HTR2C: variants seen among roughly 807,000 people sequenced by gnomAD.
HTR2C encodes the protein 5-hydroxytryptamine receptor 2C, also known as 5-hydroxytryptamine (serotonin) receptor 2C, G protein-coupled.
HTR2C carries 5 observed loss-of-function variants against 21.0 expected under a neutral mutation model. The observed-to-expected ratio is 0.24, with a 90% CI of 0.12 to 0.50. HTR2C has a LOEUF of 0.50. Among genes scored for constraint, HTR2C ranks in the 20% least tolerant of loss-of-function variants. The pLI is 0.98. For missense variants in HTR2C, 271 were observed against 371.2 expected (o/e 0.73, Z 2.22); for synonymous variants, 150 against 145.3 (o/e 1.03, Z -0.23).
intron 2 of HTR2C, among the ~76,000 whole-genome samples, chrX:114,638,969 T>A (rs1164119614): frequency 9.0e-6 from 1 of 110,934 alleles, no homozygotes; most frequent in Non-Finnish European, 1.9e-5. Flanking sequence ...TTGTGAATAA[T>A]GCCGCAATAA....
chrX:114,888,169 A>G, intron 5 of HTR2C, among the ~76,000 whole-genome samples: 1 of 111,395 alleles, frequency 9.0e-6, no homozygotes, highest in Non-Finnish European at 1.9e-5. Flanking sequence ...GTATTTTTCC[A>G]ACTTTTAGTT....
chrX:114,806,618 C>T (rs1375140737), intron 4 of HTR2C, among the ~76,000 whole-genome samples: 1 of 94,984 alleles, frequency 1.1e-5, no homozygotes, highest in Non-Finnish European at 2.1e-5. Flanking sequence ...CATATATACA[C>T]CATATATATA....
chrX:114,802,923 T>G (rs1260045678), intron 4 of HTR2C, among the ~76,000 whole-genome samples: 2 of 67,359 alleles, frequency 3.0e-5, no homozygotes, highest in African/African-American at 1.2e-4. Context: ...GATGTTCCCC[T>G]TCCTGTGTCC....
intron 4 of HTR2C, among the ~76,000 whole-genome samples, chrX:114,818,433 G>C (rs2070603969): frequency 8.9e-6 from 1 of 112,000 alleles, no homozygotes; most frequent in Non-Finnish European, 1.9e-5. Flanking sequence ...GAAAGCTAAT[G>C]ACTATCCTTA....
intron 4 of HTR2C, among the ~76,000 whole-genome samples, chrX:114,794,610 A>T (rs2070271036): frequency 1.1e-5 from 1 of 94,975 alleles, no homozygotes; most frequent in Non-Finnish European, 2.0e-5. Context: ...CCCACCTATG[A>T]GTGAGAACAT....
intron 4 of HTR2C, among the ~76,000 whole-genome samples, chrX:114,746,012 C>G (rs1293673149): frequency 9.0e-6 from 1 of 111,595 alleles, no homozygotes; most frequent in Non-Finnish European, 1.9e-5. Context: ...GACAGATATC[C>G]CATTCTTCAT....
intron 2 of HTR2C, among the ~76,000 whole-genome samples, chrX:114,705,386 C>T (rs1195205730): frequency 2.7e-5 from 3 of 109,699 alleles, no homozygotes; most frequent in African/African-American, 9.9e-5. Flanking sequence ...CAGAACAGAG[C>T]CCTCAGAAAT....
chrX:114,607,994 AC>A (rs1465074015), intron 1 of HTR2C, among the ~76,000 whole-genome samples: 1 of 111,521 alleles, frequency 9.0e-6, no homozygotes, highest in Non-Finnish European at 1.9e-5. Context: ...CTCAAAAAAA[AC>A]AAAATCTAGC....
At chrX:114,593,781 A>C (rs1323395563) in intron 1 of HTR2C, among the ~76,000 whole-genome samples, 4 of 111,834 alleles carry the variant, frequency 3.6e-5, no homozygotes, top group African/African-American at 1.3e-4. Context: ...AGATAATTTC[A>C]AATGCTACAA....
chrX:114,761,881 A>ACATATATGTG (rs2069871891), intron 4 of HTR2C, among the ~76,000 whole-genome samples: 29 of 109,109 alleles, frequency 2.7e-4, no homozygotes, highest in Non-Finnish European at 4.2e-4. Flanking sequence ...CTCTATATAT[A>ACATATATGTG]TATATATGTG....
At chrX:114,629,613 A>T (rs1265686540) in intron 2 of HTR2C, among the ~76,000 whole-genome samples, 1 of 112,377 alleles carries the variant, frequency 8.9e-6, no homozygotes, top group Non-Finnish European at 1.9e-5. Flanking sequence ...ACTTGGAAAA[A>T]GTTGGCATTA....
At position 114,897,563 on chromosome X, in the gene HTR2C, C is replaced by T. The variant is rs141508474; in HGVS notation, c.551-9026C>T. Among the ~76,000 whole-genome samples, 597 of 111,360 alleles carry T rather than the reference C, an allele frequency of 5.4e-3. 4 individuals are homozygous for T. Among genetic ancestry groups the T allele is most frequent in the Non-Finnish European group, 7.3e-3 (390 of 53,086 alleles). Reference sequence around the variant, plus strand: ...TATTCTTCCTAATGCCCTCCGTCCTCACCGGCTGGCAGGCCCCAGTGTGTA... The same window carrying T: ...TATTCTTCCTAATGCCCTCCGTCCTTACCGGCTGGCAGGCCCCAGTGTGTA... On this transcript the variant is annotated intron_variant, in intron 5 of 5. Transcript: ENST00000276198.
At chrX:114,695,368 T>C (rs981855956) in intron 2 of HTR2C, among the ~76,000 whole-genome samples, 3 of 111,764 alleles carry the variant, frequency 2.7e-5, no homozygotes, top group African/African-American at 9.7e-5. Flanking sequence ...TATGTTTGGT[T>C]GTGCATGAGT....
intron 4 of HTR2C, among the ~76,000 whole-genome samples, chrX:114,844,184 T>G (rs2147485537): frequency 8.9e-6 from 1 of 111,917 alleles, no homozygotes; most frequent in East Asian, 2.8e-4. Flanking sequence ...AAATCTATAT[T>G]AATGAGCACC....
chrX:114,609,793 G>T (rs1268457108), intron 1 of HTR2C, among the ~76,000 whole-genome samples: 2 of 112,013 alleles, frequency 1.8e-5, no homozygotes, highest in Non-Finnish European at 3.8e-5. Context: ...TATAGAAAAC[G>T]AGCAGAGCAT....
intron 4 of HTR2C, among the ~76,000 whole-genome samples, chrX:114,807,109 G>A (rs1466056114): frequency 1.2e-4 from 2 of 16,202 alleles, no homozygotes; most frequent in Admixed American, 1.3e-3. Flanking sequence ...TATACACCAT[G>A]TATATATATA....
intron 2 of HTR2C, among the ~76,000 whole-genome samples, chrX:114,713,941 T>C (rs1032227882): frequency 3.6e-5 from 4 of 111,506 alleles, no homozygotes; most frequent in African/African-American, 1.3e-4. Context: ...TTCTGACAGG[T>C]TTTATTTTAT....
intron 1 of HTR2C, among the ~76,000 whole-genome samples, chrX:114,610,293 C>A (rs188683216): frequency 3.4e-4 from 38 of 112,048 alleles, no homozygotes; most frequent in Non-Finnish European, 6.2e-4. Context: ...TAAATGCCTA[C>A]TTTTTCCATA....
intron 4 of HTR2C, among the ~76,000 whole-genome samples, chrX:114,845,004 A>T (rs2070863303): frequency 9.0e-6 from 1 of 111,714 alleles, no homozygotes; most frequent in South Asian, 3.7e-4. Context: ...GAACAACACT[A>T]TAAAACAACT....
Sources: allele counts gnomAD v4.1 joint callset (sites outside exome capture counted in the v4.1 genomes callset), GRCh38; gene constraint gnomAD v4.1.1; transcripts MANE v1.5; gene names NCBI Gene and HGNC (gene_info 2026-07-23, HGNC 2026-07-21).